The following SEC14L5 variants were observed in gnomAD, a reference collection of about 807,000 sequenced individuals.
SEC14L5 encodes SEC14-like protein 5.
Under a neutral mutation model 84.6 loss-of-function variants are expected in SEC14L5, and 96 were observed. The observed-to-expected ratio is 1.13, with a 90% CI of 0.96 to 1.34. The LOEUF is 1.34. Ranked by LOEUF, SEC14L5 falls within the 40% of genes most tolerant of loss-of-function variation. The pLI is 0.00. For missense variants in SEC14L5, 1,224 were observed against 942.5 expected (o/e 1.30, Z -3.91); for synonymous variants, 546 against 383.4 (o/e 1.42, Z -4.95).
Position 4,959,386 on chromosome 16 carries a change from GGTGA to G in SEC14L5, c.63+5_63+8del, listed in dbSNP as rs763864703. The G allele has an allele frequency of 6.2e-7, 1 of 1,613,356 alleles. No individual in the cohort carries two copies. The highest frequency in any genetic ancestry group is 1.3e-5 in the African/African-American group (1 of 75,016). On this transcript the variant is annotated splice_donor_variant and splice_donor_region_variant and intron_variant, in intron 2 of 15. Coordinates refer to ENST00000251170, the MANE Select transcript of SEC14L5 (RefSeq NM_014692.2). LOFTEE classifies it high-confidence loss of function. The stretch of plus-strand genomic sequence containing the variant: ...AGTACCCGTTTGAGCTGGTCATGGC[GGTGA>G]GTGACTCCTGATTCTTGGGCCCCCA...
chr16:4,963,322 T>A (rs1040600945), intron 2 of SEC14L5, among the ~76,000 whole-genome samples: 2 of 152,194 alleles, frequency 1.3e-5, no homozygotes, highest in Admixed American at 1.3e-4. Flanking sequence ...AGAGAAGGAT[T>A]CTAGGGTATC....
At chr16:4,992,462 G>A (rs1447529756) in intron 6 of SEC14L5, among the ~76,000 whole-genome samples, 2 of 152,122 alleles carry the variant, frequency 1.3e-5, no homozygotes, top group South Asian at 2.1e-4. Flanking sequence ...ATGTTGGTCA[G>A]GCTGGTCTCA....
intron 2 of SEC14L5, among the ~76,000 whole-genome samples, chr16:4,979,772 C>G (rs570013240): frequency 6.6e-6 from 1 of 152,300 alleles, no homozygotes; most frequent in South Asian, 2.1e-4. Context: ...TTGAAAGCAG[C>G]AGACAGAACC....
chr16:4,989,489 G>C (rs1261256008), intron 4 of SEC14L5, among the ~76,000 whole-genome samples: 1 of 152,092 alleles, frequency 6.6e-6, no homozygotes, highest in African/African-American at 2.4e-5. Context: ...TGGGATTACA[G>C]GCATGTGCCA....
Position 4,985,559 on chromosome 16 carries a change from A to G in SEC14L5, c.64-1998A>G, listed in dbSNP as rs76343036. On this transcript the variant is annotated intron_variant, in intron 2 of 15. Transcript: ENST00000251170. ...TCATTCTGTTGCATGTGTATATCCAATTGTCCCGGCACCATTTGCTGAAGA... is the reference window on the plus strand; with the variant it reads ...TCATTCTGTTGCATGTGTATATCCAGTTGTCCCGGCACCATTTGCTGAAGA... Among the ~76,000 whole-genome samples, 32 of 152,174 alleles carry G rather than the reference A, an allele frequency of 2.1e-4. No individual in the cohort carries two copies. The East Asian group carries it at 6.2e-3, about 29-fold the overall frequency.
At chr16:4,958,658 A>T (rs1441522464) in intron 1 of SEC14L5, among the ~76,000 whole-genome samples, 1 of 152,136 alleles carries the variant, frequency 6.6e-6, no homozygotes, top group Non-Finnish European at 1.5e-5. Flanking sequence ...GCGTGTGTGC[A>T]CGTCTGTGCA....
intron 2 of SEC14L5, among the ~76,000 whole-genome samples, chr16:4,963,267 A>G (rs188149904): frequency 1.3e-5 from 2 of 152,204 alleles, no homozygotes; most frequent in East Asian, 3.8e-4. Context: ...AGTCAAATAA[A>G]CAGAGATTTC....
chr16:4,987,095 C>T (rs912499109), intron 2 of SEC14L5, among the ~76,000 whole-genome samples: 3 of 152,068 alleles, frequency 2.0e-5, no homozygotes, highest in African/African-American at 7.2e-5. Flanking sequence ...TACCTTGTTC[C>T]TGATTTTAGG....
rs201468749 is a variant in SEC14L5, at chr16:4,990,759, G to A, written c.346-8G>A. ...GAGTCCCTGGCATGACCCCTGCCTGGCTTTCAGGTCCACCCTGAGAATGAA... is the reference window on the plus strand; with the variant it reads ...GAGTCCCTGGCATGACCCCTGCCTGACTTTCAGGTCCACCCTGAGAATGAA... On this transcript the variant is annotated splice_region_variant and splice_polypyrimidine_tract_variant and intron_variant, in intron 4 of 15. Transcript: ENST00000251170. 1,267 of 1,604,336 alleles carry A rather than the reference G, an allele frequency of 7.9e-4. 2 individuals are homozygous for A. Among genetic ancestry groups the A allele is most frequent in the Non-Finnish European group, 8.4e-4 (988 of 1,175,188 alleles).
intron 2 of SEC14L5, among the ~76,000 whole-genome samples, chr16:4,964,697 A>T (rs542945175): frequency 8.5e-5 from 13 of 152,214 alleles, no homozygotes; most frequent in Middle Eastern, 3.4e-3. Context: ...CGGCCTCCCA[A>T]AATGCTGGGA....
chr16:4,990,708 G>A, intron 4 of SEC14L5, 59 bp from the exon 5 acceptor site: 1 of 1,535,938 alleles, frequency 6.5e-7, no homozygotes, highest in Non-Finnish European at 8.8e-7. Flanking sequence ...GAGAGCCCTA[G>A]GGGAGGGCAG....
At chr16:4,961,517 C>A (rs537447426) in intron 2 of SEC14L5, among the ~76,000 whole-genome samples, 1 of 152,032 alleles carries the variant, frequency 6.6e-6, no homozygotes, top group African/African-American at 2.4e-5. Context: ...TCAGTATAGA[C>A]GGGGTTTCAT....
intron 4 of SEC14L5, 93 bp downstream of exon 4, chr16:4,988,373 C>G: frequency 1.4e-6 from 2 of 1,469,576 alleles, no homozygotes; most frequent in East Asian, 4.8e-5. Flanking sequence ...ATTCCTTGAG[C>G]CTCTGCCAAG....
chr16:4,963,883 C>T (rs1045439325), intron 2 of SEC14L5, among the ~76,000 whole-genome samples: 1 of 152,006 alleles, frequency 6.6e-6, no homozygotes, highest in African/African-American at 2.4e-5. Flanking sequence ...AATGAGGTCT[C>T]ACTATGTTGC....
intron 8 of SEC14L5, among the ~76,000 whole-genome samples, chr16:4,998,003 C>CCTTTTTTTTTTTTTTTTT (rs1555530444): frequency 1.3e-5 from 1 of 77,896 alleles, no homozygotes; most frequent in Non-Finnish European, 2.6e-5. Flanking sequence ...GACTCTAGTT[C>CCTTTTTTTTTTTTTTTTT]TTTTTTTTTT....
rs59942135 is a variant in SEC14L5 at position 5,010,188 on chromosome 16, C to CA, written c.1801-878dup. ...TGAAACTCCGTCTCTACTAAAAATA[C>CA]AAAAAAAAAAAAAAAAAAAAAAAAA... On this transcript the variant is annotated intron_variant, in intron 14 of 15. Coordinates refer to ENST00000251170, the MANE Select transcript of SEC14L5 (RefSeq NM_014692.2). Among the ~76,000 whole-genome samples, 17 of 43,646 alleles carry CA rather than the reference C, an allele frequency of 3.9e-4. 1 individual carries two copies. Among genetic ancestry groups the CA allele is most frequent in the African/African-American group, 1.2e-3 (9 of 7,772 alleles). The allele number at this position is 43,646 out of a possible 152,430, so 28.6% of individuals were successfully genotyped here.
chr16:4,992,113 G>A, intron 6 of SEC14L5, 83 bp downstream of exon 6: 1 of 1,002,824 alleles, frequency 1.0e-6, no homozygotes, highest in South Asian at 1.8e-5. Context: ...GGGCATGTTG[G>A]GGAGAATTGC....
chr16:4,997,801 C>T (rs563563528), intron 8 of SEC14L5, among the ~76,000 whole-genome samples: 1 of 152,138 alleles, frequency 6.6e-6, no homozygotes, highest in East Asian at 1.9e-4. Context: ...TTCTGGTGGA[C>T]CCAGGTGTTC....
At chr16:5,005,884 C>T in intron 11 of SEC14L5, 30 bp from the exon 12 acceptor site, 2 of 1,242,264 alleles carry the variant, frequency 1.6e-6, no homozygotes, top group Non-Finnish European at 2.1e-6. Flanking sequence ...AAAAAAAAAC[C>T]ATCCATCTTG....
Sources: gnomAD v4.1 joint callset for allele counts (sites outside exome capture counted in the v4.1 genomes callset) on GRCh38, gnomAD v4.1.1 for gene constraint, MANE v1.5 for transcripts, NCBI Gene and HGNC (gene_info 2026-07-23, HGNC 2026-07-21) for gene names.